The following NRG3 variants were observed in gnomAD, a reference collection of about 807,000 sequenced individuals.
NRG3 encodes the protein pro-neuregulin-3, membrane-bound isoform.
A neutral mutation model predicts 66.9 loss-of-function variants in NRG3; 31 were observed. The observed-to-expected ratio is 0.46, with a 90% confidence interval of 0.35 to 0.63. The LOEUF (loss-of-function observed/expected upper bound fraction) is 0.63, where lower values mean the gene tolerates loss of function less well. Ranked by LOEUF, NRG3 falls within the 20% of genes least tolerant of loss-of-function variation. The probability of loss-of-function intolerance (pLI) is 0.00; values close to 1 mark genes in which losing one functional copy is unlikely to be tolerated. For missense variants in NRG3, 910 were observed against 878.9 expected, an observed-to-expected ratio of 1.04 and a Z score of -0.45; for synonymous variants, 393 against 359.4, an observed-to-expected ratio of 1.09 and a Z score of -1.06.
At position 82,985,474 on chromosome 10, in the gene NRG3, A is replaced by G. The variant is rs1408203478; in HGVS notation, c.1960A>G (p.Ser654Gly). Reference protein sequence around the residue: ...ARRSEDYELASVETEDSASEN... With the variant: ...ARRSEDYELAGVETEDSASEN... ...ACGGTCAGAAGACTACGAACTGGCC[A>G]GCGTAGAAACCGAGGACAGTGCAAG... The change falls in exon 9 of 9, where the codon AGC (serine) becomes GGC (glycine). Residue 654 changes from serine (S) to glycine (G), a missense_variant. Coordinates refer to ENST00000372141, the MANE Select transcript of NRG3 (RefSeq NM_001010848.4). 3 of 1,614,128 alleles carry G rather than the reference A, an allele frequency of 1.9e-6. No homozygotes were observed. Among genetic ancestry groups the G allele is most frequent in the Non-Finnish European group, 2.5e-6 (3 of 1,180,002 alleles).
At chr10:82,160,101 C>T (rs570342807) in intron 1 of NRG3, among the ~76,000 whole-genome samples, 1 of 151,832 alleles carries the variant, frequency 6.6e-6, no homozygotes, top group South Asian at 2.1e-4. Context: ...CTCTGTATTA[C>T]CACTATGGTT....
chr10:82,933,198 CA>C, intron 4 of NRG3, among the ~76,000 whole-genome samples: 1 of 152,326 alleles, frequency 6.6e-6, no homozygotes, highest in East Asian at 1.9e-4. Context: ...TCTCATCCGA[CA>C]GTCAACTTGT....
chr10:82,134,528 T>C (rs955653383), intron 1 of NRG3, among the ~76,000 whole-genome samples: 2 of 152,166 alleles, frequency 1.3e-5, no homozygotes, highest in African/African-American at 2.4e-5. Flanking sequence ...CTTTTCCCCA[T>C]TGCTTGTTTT....
chr10:82,448,025 G>A lies in NRG3; in HGVS notation c.953+89157G>A, dbSNP rs144567896. On this transcript the variant is annotated intron_variant, in intron 2 of 8. Coordinates refer to ENST00000372141, the MANE Select transcript of NRG3 (RefSeq NM_001010848.4). Reference sequence around the variant, plus strand: ...GGAGGGGTAAATGAGGGATGGTGACGAGAACATTGATTTTAGTCCCAAATA... The same window carrying A: ...GGAGGGGTAAATGAGGGATGGTGACAAGAACATTGATTTTAGTCCCAAATA... Among the ~76,000 whole-genome samples the A allele has an allele frequency of 4.7e-4, 72 of 152,294 alleles. 1 individual carries two copies. The East Asian group carries it at 0.011, about 23-fold the overall frequency.
intron 1 of NRG3, chr10:81,877,909 C>T (rs1841823630): frequency 3.3e-6 from 5 of 1,536,568 alleles, no homozygotes; most frequent in Non-Finnish European, 4.4e-6. Flanking sequence ...AATGAGTCTA[C>T]CCTGAAGACC....
intron 2 of NRG3, among the ~76,000 whole-genome samples, chr10:82,360,033 CCTGTGTCAGGACAAATAGAA>C (rs1226229445): frequency 1.3e-5 from 2 of 152,158 alleles, no homozygotes; most frequent in African/African-American, 4.8e-5. Context: ...TACCATATGT[CCTGTGTCAGGACAAATAGAA>C]CTGTGACCTT....
chr10:82,785,042 A>G (rs979627692), intron 3 of NRG3, among the ~76,000 whole-genome samples: 2 of 152,174 alleles, frequency 1.3e-5, no homozygotes, highest in Non-Finnish European at 2.9e-5. Flanking sequence ...TGATGAGTTC[A>G]TGTCCTTTGT....
At chr10:82,145,214 G>A (rs1016584059) in intron 1 of NRG3, among the ~76,000 whole-genome samples, 1 of 152,142 alleles carries the variant, frequency 6.6e-6, no homozygotes, top group African/African-American at 2.4e-5. Context: ...CCAGAGCTCA[G>A]TCAACAAGGA....
At chr10:82,292,682 C>G (rs1412635786) in intron 1 of NRG3, among the ~76,000 whole-genome samples, 1 of 152,162 alleles carries the variant, frequency 6.6e-6, no homozygotes, top group Non-Finnish European at 1.5e-5. Context: ...ACTGTTGATA[C>G]AGTCAACAAC....
chr10:82,767,501 C>G (rs2059560619), intron 3 of NRG3, among the ~76,000 whole-genome samples: 1 of 152,068 alleles, frequency 6.6e-6, no homozygotes. Flanking sequence ...TTCATCTGCT[C>G]TATTAAATAC....
intron 4 of NRG3, among the ~76,000 whole-genome samples, chr10:82,916,095 T>C (rs991244106): frequency 3.9e-5 from 6 of 152,194 alleles, no homozygotes; most frequent in African/African-American, 1.2e-4. Flanking sequence ...AAGAACACTA[T>C]TGATATCTGA....
intron 1 of NRG3, among the ~76,000 whole-genome samples, chr10:81,888,574 T>C (rs928717877): frequency 2.0e-5 from 3 of 152,116 alleles, no homozygotes; most frequent in African/African-American, 7.2e-5. Flanking sequence ...AAAGGTAGTT[T>C]CAAGGGAGAA....
At chr10:82,193,483 T>TA (rs5786539) in intron 1 of NRG3, among the ~76,000 whole-genome samples, 12,621 of 152,228 alleles carry the variant, frequency 0.083, 670 homozygotes, top group African/African-American at 0.15. Flanking sequence ...GACTGTTGTA[T>TA]AAAAACTGAT....
intron 1 of NRG3, among the ~76,000 whole-genome samples, chr10:82,267,667 T>C (rs2134271972): frequency 6.6e-6 from 1 of 152,344 alleles, no homozygotes; most frequent in African/African-American, 2.4e-5. Flanking sequence ...TTGCTCGGCA[T>C]TTCAATCTTT....
At chr10:82,960,451 G>A (rs1040839933) in intron 6 of NRG3, among the ~76,000 whole-genome samples, 4 of 146,868 alleles carry the variant, frequency 2.7e-5, no homozygotes, top group South Asian at 2.2e-4. Context: ...CTATTTGTAC[G>A]GAAATGGCTG....
intron 1 of NRG3, among the ~76,000 whole-genome samples, chr10:81,976,694 T>G (rs2060136227): frequency 6.6e-6 from 1 of 152,206 alleles, no homozygotes; most frequent in Non-Finnish European, 1.5e-5. Flanking sequence ...CCACATTTAT[T>G]GTTCTAAGGC....
chr10:82,940,586 C>A (rs1028471312), intron 4 of NRG3, among the ~76,000 whole-genome samples: 11 of 152,148 alleles, frequency 7.2e-5, no homozygotes, highest in African/African-American at 2.7e-4. Flanking sequence ...AAGTACCCTA[C>A]ACTGCATAGC....
chr10:82,600,816 G>A (rs1221199216), intron 2 of NRG3, among the ~76,000 whole-genome samples: 2 of 151,730 alleles, frequency 1.3e-5, no homozygotes, highest in Admixed American at 6.6e-5. Context: ...AGATTTATGG[G>A]GTACGTGTGC....
chr10:82,261,810 G>T (rs1247933235), intron 1 of NRG3, among the ~76,000 whole-genome samples: 1 of 152,172 alleles, frequency 6.6e-6, no homozygotes, highest in East Asian at 1.9e-4. Flanking sequence ...TCCGCCCTGG[G>T]TGGGCCAGGT....
Sources: allele counts gnomAD v4.1 joint callset (sites outside exome capture counted in the v4.1 genomes callset), GRCh38; gene constraint gnomAD v4.1.1; transcripts MANE v1.5; gene names NCBI Gene and HGNC (gene_info 2026-07-23, HGNC 2026-07-21).